The following BACH2 variants were observed in gnomAD, a reference collection of about 807,000 sequenced individuals.
The protein encoded by BACH2 is transcription regulator protein BACH2.
In BACH2, 5 loss-of-function variants were observed where a neutral mutation model predicts 61.8. The ratio of observed to expected loss-of-function variants is 0.08; its 90% CI spans 0.04 to 0.17. The LOEUF is 0.17. Among genes scored for constraint, BACH2 ranks in the 10% least tolerant of loss-of-function variants. The pLI is 1.00. For synonymous variants in BACH2, 446 were observed against 440.1 expected (o/e 1.01, Z -0.17); for missense variants, 824 against 1,091.1 (o/e 0.76, Z 3.45).
chr6:90,275,026 C>G (rs975674387), intron 1 of BACH2, among the ~76,000 whole-genome samples: 2 of 152,168 alleles, frequency 1.3e-5, no homozygotes, highest in Non-Finnish European at 1.5e-5. Context: ...CCAGGCTAGA[C>G]AAAGAAAAGA....
intron 4 of BACH2, among the ~76,000 whole-genome samples, chr6:90,168,075 T>C (rs958470100): frequency 1.3e-5 from 2 of 152,170 alleles, no homozygotes; most frequent in African/African-American, 4.8e-5. Context: ...AAAAGTAAAG[T>C]AGGCCTGGTG....
At chr6:90,049,006 A>G (rs990987467) in intron 5 of BACH2, among the ~76,000 whole-genome samples, 9 of 152,190 alleles carry the variant, frequency 5.9e-5, no homozygotes, top group Admixed American at 5.9e-4. Context: ...GGGGAACTCA[A>G]AAGTTCCTTT....
In BACH2 at chr6:90,088,980, T is replaced by C. The variant is rs1242104622; in HGVS notation, c.-32A>G. Reference sequence around the variant, plus strand: ...ACTTACATGTAATTTTTCCAGGTCCTGTGCTGCCTTCGAGTCTTAGGATGC... The same window carrying C: ...ACTTACATGTAATTTTTCCAGGTCCCGTGCTGCCTTCGAGTCTTAGGATGC... On this transcript the variant is annotated 5_prime_UTR_variant, in exon 5 of 9. Transcript: ENST00000257749. 6.6e-6 allele frequency: 1 copy of C among 152,328 alleles called. No individual in the cohort carries two copies. The highest frequency in any genetic ancestry group is 6.5e-5 in the Admixed American group (1 of 15,270). 9.4% of individuals were successfully genotyped at this position (152,328 alleles called of 1,614,324 possible). A position where few individuals can be genotyped will look rare whatever the true frequency, so the allele number is the denominator to read the frequency against.
At chr6:90,212,410 G>A (rs1769386117) in intron 3 of BACH2, among the ~76,000 whole-genome samples, 1 of 152,080 alleles carries the variant, frequency 6.6e-6, no homozygotes, top group Admixed American at 6.5e-5. Flanking sequence ...GGAGATTCCT[G>A]CAGGTCCCTC....
intron 4 of BACH2, among the ~76,000 whole-genome samples, chr6:90,106,159 T>C (rs2127814051): frequency 6.6e-6 from 1 of 152,346 alleles, no homozygotes; most frequent in South Asian, 2.1e-4. Context: ...AATTCAAAGA[T>C]ATTTATTCCA....
intron 3 of BACH2, among the ~76,000 whole-genome samples, chr6:90,234,848 G>A (rs565907693): frequency 1.3e-5 from 2 of 152,312 alleles, no homozygotes; most frequent in South Asian, 2.1e-4. Flanking sequence ...TGGTGCTAGA[G>A]GCAGCCTAGG....
chr6:90,246,758 T>C (rs1459522167), intron 3 of BACH2, among the ~76,000 whole-genome samples: 1 of 152,136 alleles, frequency 6.6e-6, no homozygotes, highest in African/African-American at 2.4e-5. Context: ...ATTTACAAAA[T>C]CATATTTCAA....
chr6:89,983,307 A>G (rs1776057821), intron 6 of BACH2, among the ~76,000 whole-genome samples: 1 of 152,224 alleles, frequency 6.6e-6, no homozygotes, highest in South Asian at 2.1e-4. Flanking sequence ...AAAGGCAGGC[A>G]TGACACTTGG....
In BACH2 at chr6:90,086,206, C is replaced by T. The variant is rs1781926959; in HGVS notation, c.-13+2755G>A. Reference sequence around the variant, plus strand: ...ATATTCCATTGTATGTATTAATATACACCACATTTTGTTTATCCATTCACC... The same window carrying T: ...ATATTCCATTGTATGTATTAATATATACCACATTTTGTTTATCCATTCACC... On this transcript the variant is annotated intron_variant, in intron 5 of 8. Coordinates refer to ENST00000257749, the MANE Select transcript of BACH2 (RefSeq NM_021813.4). 2.0e-5 allele frequency among the ~76,000 whole-genome samples: 3 copies of T among 152,224 alleles called. No individual in the cohort carries two copies. The South Asian group carries it at 6.2e-4, about 32-fold the overall frequency.
At chr6:90,175,752 C>CT (rs923348418) in intron 4 of BACH2, among the ~76,000 whole-genome samples, 3 of 152,132 alleles carry the variant, frequency 2.0e-5, no homozygotes, top group African/African-American at 7.2e-5. Context: ...GAGACTGTCT[C>CT]TTTCAAGGCT....
chr6:89,951,994 G>T lies in BACH2; in HGVS notation c.244-132C>A. ...AGACTGCAAAGGGGCAGTTAATCTT[G>T]TAGTACTGGGTCAGCAATGATTCTG... On this transcript the variant is annotated intron_variant, in intron 6 of 8. Coordinates refer to ENST00000257749, the MANE Select transcript of BACH2 (RefSeq NM_021813.4). This position sits in a 1 kb window ranked among gnomAD's most constrained non-coding sequence, Gnocchi z 6.4. The T allele has an allele frequency of 9.7e-7, 1 of 1,028,302 alleles. No individual in the cohort carries two copies. The highest frequency in any genetic ancestry group is 1.4e-6 in the Non-Finnish European group (1 of 711,982). The allele number at this position is 1,028,302 out of a possible 1,614,324, so 63.7% of individuals were successfully genotyped here.
intron 5 of BACH2, among the ~76,000 whole-genome samples, chr6:90,085,929 C>T (rs907782275): frequency 2.0e-5 from 3 of 152,130 alleles, no homozygotes; most frequent in Non-Finnish European, 1.5e-5. Context: ...CATTCATCTC[C>T]GGAACTCTCC....
At position 90,296,662 on chromosome 6, in the gene BACH2, G is replaced by C. The variant is rs978372008; in HGVS notation, c.-628C>G. 1 of 154,152 alleles carries C rather than the reference G, an allele frequency of 6.5e-6. No homozygotes were observed. The highest frequency in any genetic ancestry group is 1.8e-4 in the South Asian group (1 of 5,686). 9.5% of individuals were successfully genotyped at this position (154,152 alleles called of 1,614,324 possible). On this transcript the variant is annotated 5_prime_UTR_variant, in exon 1 of 9. Transcript: ENST00000257749. ...AGTGCGCCGGGAAGGGGGAGGGGAA[G>C]GGGCGAGGGGAGGCCGGGGGGAAAG...
chr6:90,122,482 T>C (rs1783671187), intron 4 of BACH2, among the ~76,000 whole-genome samples: 2 of 152,362 alleles, frequency 1.3e-5, no homozygotes, highest in African/African-American at 2.4e-5. Flanking sequence ...ACACTCATTT[T>C]AGTCTTGTCT....
intron 4 of BACH2, among the ~76,000 whole-genome samples, chr6:90,205,069 T>C (rs1769095512): frequency 1.3e-5 from 2 of 152,186 alleles, no homozygotes. Context: ...CTTTTCCAGC[T>C]TTCTCCCACC....
At chr6:90,270,010 C>G (rs1417495768) in intron 2 of BACH2, among the ~76,000 whole-genome samples, 2 of 152,126 alleles carry the variant, frequency 1.3e-5, no homozygotes, top group African/African-American at 4.8e-5. Context: ...AGTTACTTCA[C>G]TTAGGATAAT....
At chr6:90,146,363 C>T (rs1408601443) in intron 4 of BACH2, among the ~76,000 whole-genome samples, 2 of 152,226 alleles carry the variant, frequency 1.3e-5, no homozygotes, top group East Asian at 1.9e-4. Flanking sequence ...CTCTCTCTTG[C>T]GTGCGTGTGC....
At chr6:90,127,638 G>C (rs902457451) in intron 4 of BACH2, among the ~76,000 whole-genome samples, 2 of 152,212 alleles carry the variant, frequency 1.3e-5, no homozygotes, top group Non-Finnish European at 2.9e-5. Flanking sequence ...AAAGAATGTA[G>C]TGTGATTTAA....
At chr6:90,219,785 T>TACACACAC (rs5878121) in intron 3 of BACH2, among the ~76,000 whole-genome samples, 1 of 148,614 alleles carries the variant, frequency 6.7e-6, no homozygotes, top group Admixed American at 6.7e-5. Context: ...TTAAAACACA[T>TACACACAC]ACACACACAC....
Sources: gnomAD v4.1 joint callset for allele counts (sites outside exome capture counted in the v4.1 genomes callset) on GRCh38, gnomAD v4.1.1 for gene constraint, Gnocchi (gnomAD v3.1) non-coding constraint, MANE v1.5 for transcripts, NCBI Gene and HGNC (gene_info 2026-07-23, HGNC 2026-07-21) for gene names.